PAPPA: variants seen among roughly 807,000 people sequenced by gnomAD.
The protein encoded by PAPPA is pappalysin 1, also known as pappalysin-1.
PAPPA carries 60 observed loss-of-function variants against 164.0 expected under a neutral mutation model. The ratio of observed to expected loss-of-function variants is 0.37; its 90% CI spans 0.30 to 0.45. The LOEUF is 0.45. Ranked by LOEUF, PAPPA falls within the 20% of genes least tolerant of loss-of-function variation. PAPPA has a pLI of 1.00. For synonymous variants in PAPPA, 875 were observed against 814.1 expected (o/e 1.07, Z -1.27); for missense variants, 1,782 against 2,087.3 (o/e 0.85, Z 2.85).
At chr9:116,219,285 C>G (rs973496007) in intron 4 of PAPPA, among the ~76,000 whole-genome samples, 7 of 152,224 alleles carry the variant, frequency 4.6e-5, no homozygotes, top group African/African-American at 1.7e-4. Flanking sequence ...CTGGACTGGT[C>G]TTGACTCCAT....
At chr9:116,165,116 C>T (rs990667491) in intron 1 of PAPPA, among the ~76,000 whole-genome samples, 1 of 152,180 alleles carries the variant, frequency 6.6e-6, no homozygotes, top group African/African-American at 2.4e-5. Flanking sequence ...TGTCACAAAG[C>T]AAACAACTTA....
chr9:116,261,207 A>G (rs1158984563), intron 7 of PAPPA, among the ~76,000 whole-genome samples: 1 of 152,248 alleles, frequency 6.6e-6, no homozygotes, highest in African/African-American at 2.4e-5. Context: ...CATAGAAACT[A>G]TGATAGCTGT....
intron 17 of PAPPA, among the ~76,000 whole-genome samples, chr9:116,355,594 C>T: frequency 6.6e-6 from 1 of 152,218 alleles, no homozygotes. Context: ...GATCAGCTTC[C>T]CCCTCACTCC....
intron 9 of PAPPA, among the ~76,000 whole-genome samples, chr9:116,275,834 A>G (rs778958443): frequency 2.0e-5 from 3 of 152,004 alleles, no homozygotes; most frequent in Non-Finnish European, 4.4e-5. Context: ...ATTCCCATTC[A>G]CTTTTCAGAA....
intron 12 of PAPPA, among the ~76,000 whole-genome samples, 178 bp from the exon 13 acceptor site, chr9:116,334,683 A>C (rs1319374568): frequency 6.6e-6 from 1 of 152,110 alleles, no homozygotes. Flanking sequence ...TGGAACCAAG[A>C]AAAAAAGGCA....
At chr9:116,275,691 C>A (rs904192853) in intron 9 of PAPPA, among the ~76,000 whole-genome samples, 5 of 151,854 alleles carry the variant, frequency 3.3e-5, no homozygotes, top group Non-Finnish European at 5.9e-5. Context: ...GCCTCATATT[C>A]TTCTCCTTTT....
chr9:116,348,249 A>G (rs900661514), intron 15 of PAPPA, among the ~76,000 whole-genome samples: 1 of 151,676 alleles, frequency 6.6e-6, no homozygotes, highest in Non-Finnish European at 1.5e-5. Flanking sequence ...TCTAGTGTTC[A>G]GAGTACTGTG....
chr9:116,320,282 C>A (rs1845837817), intron 10 of PAPPA, among the ~76,000 whole-genome samples: 1 of 152,090 alleles, frequency 6.6e-6, no homozygotes, highest in Admixed American at 6.5e-5. Flanking sequence ...GTATGAGACC[C>A]CTAAGGAGTG....
At chr9:116,263,999 G>A (rs932476523) in intron 7 of PAPPA, among the ~76,000 whole-genome samples, 1 of 152,308 alleles carries the variant, frequency 6.6e-6, no homozygotes, top group African/African-American at 2.4e-5. Flanking sequence ...GGACTGGGAT[G>A]TAGTCTGAAG....
At chr9:116,362,256 T>A (rs971186118) in intron 17 of PAPPA, among the ~76,000 whole-genome samples, 7 of 149,666 alleles carry the variant, frequency 4.7e-5, no homozygotes, top group East Asian at 3.9e-4. Flanking sequence ...CCTCTCAATT[T>A]AAAAAAAAAA....
chr9:116,379,690 A>G (rs1338768863), intron 20 of PAPPA, among the ~76,000 whole-genome samples: 4 of 152,208 alleles, frequency 2.6e-5, no homozygotes, highest in Admixed American at 2.0e-4. Flanking sequence ...TGCGCACAGT[A>G]TAGTGAAGGA....
intron 10 of PAPPA, among the ~76,000 whole-genome samples, chr9:116,306,510 G>C (rs1487919998): frequency 6.6e-6 from 1 of 152,132 alleles, no homozygotes; most frequent in Admixed American, 6.5e-5. Context: ...AAAACTTCCT[G>C]GTTGTGCAAA....
At chr9:116,290,045 C>A (rs1845417139) in intron 9 of PAPPA, among the ~76,000 whole-genome samples, 1 of 152,176 alleles carries the variant, frequency 6.6e-6, no homozygotes, top group South Asian at 2.1e-4. Context: ...AATGTGAAAA[C>A]AACACAGCTT....
At chr9:116,385,891 G>C (rs1050300090) in intron 21 of PAPPA, among the ~76,000 whole-genome samples, 1 of 152,348 alleles carries the variant, frequency 6.6e-6, no homozygotes, top group Non-Finnish European at 1.5e-5. Flanking sequence ...ATTAAGCAGG[G>C]AGCCACACAA....
At chr9:116,207,766 A>T (rs1420165351) in intron 3 of PAPPA, among the ~76,000 whole-genome samples, 165 bp downstream of exon 3, 1 of 152,166 alleles carries the variant, frequency 6.6e-6, no homozygotes, top group Non-Finnish European at 1.5e-5. Context: ...AGCATCCTTT[A>T]TCTCATTTTG....
Position 116,362,663 on chromosome 9 carries a change from G to C in PAPPA, c.4419G>C (p.Glu1473Asp), listed in dbSNP as rs1379420897. ...TWNGSFHVCQ[E>D]MQGQCSVPNE... ...ACGGCTCCTTCCATGTCTGCCAGGA[G>C]ATGCAAGGCCAGTGCTCGGTTCCAA... The change falls in exon 18 of 22, where the codon GAG (glutamate) becomes GAC (aspartate). Residue 1473 changes from glutamate (E) to aspartate (D), a missense_variant. By Grantham distance (45) the Glu-to-Asp change is conservative. Around this residue, in one of 2 missense-constraint regions of PAPPA, gnomAD observed 1,324 missense variants for 1,656.9 expected, o/e 0.80. Coordinates refer to ENST00000328252, the MANE Select transcript of PAPPA (RefSeq NM_002581.5). The C allele has an allele frequency of 6.2e-7, 1 of 1,614,126 alleles. No homozygotes were observed. The highest frequency in any genetic ancestry group is 8.5e-7 in the Non-Finnish European group (1 of 1,179,994).
At chr9:116,307,952 G>A (rs1237385188) in intron 10 of PAPPA, among the ~76,000 whole-genome samples, 1 of 151,990 alleles carries the variant, frequency 6.6e-6, no homozygotes, top group Non-Finnish European at 1.5e-5. Context: ...CTCTGTGCTG[G>A]GTTTGTTAAC....
chr9:116,350,647 A>C (rs1846269354), intron 15 of PAPPA, among the ~76,000 whole-genome samples: 1 of 152,214 alleles, frequency 6.6e-6, no homozygotes. Context: ...CAGATATGTT[A>C]TCTCTCTTAG....
chr9:116,291,623 G>A (rs1845437105), intron 9 of PAPPA, among the ~76,000 whole-genome samples: 1 of 151,932 alleles, frequency 6.6e-6, no homozygotes, highest in South Asian at 2.1e-4. Flanking sequence ...AGTAAGACAA[G>A]GGCCAGAAAT....
Sources: gnomAD v4.1 joint callset for allele counts (sites outside exome capture counted in the v4.1 genomes callset) on GRCh38, gnomAD v4.1.1 for gene constraint, gnomAD v4.1.1 regional missense constraint, MANE v1.5 for transcripts, NCBI Gene and HGNC (gene_info 2026-07-23, HGNC 2026-07-21) for gene names.